The following TMEM108 variants were observed in gnomAD, a reference collection of about 807,000 sequenced individuals.
The protein encoded by TMEM108 is cancer/testis antigen 124.
Under a neutral mutation model 35.1 loss-of-function variants are expected in TMEM108, and 12 were observed. The observed-to-expected ratio is 0.34, with a 90% CI of 0.22 to 0.55. The LOEUF is 0.55. Ranked by LOEUF, TMEM108 falls within the 20% of genes least tolerant of loss-of-function variation. The pLI, the probability that TMEM108 is intolerant of heterozygous loss-of-function variation, is 0.89. For synonymous variants in TMEM108, 287 were observed against 308.6 expected (o/e 0.93, Z 0.73); for missense variants, 680 against 753.3 (o/e 0.90, Z 1.14).
At chr3:133,347,420 GTGT>G (rs1157205409) in intron 3 of TMEM108, among the ~76,000 whole-genome samples, 1 of 151,926 alleles carries the variant, frequency 6.6e-6, no homozygotes, top group Non-Finnish European at 1.5e-5. Flanking sequence ...AGTGTACATA[GTGT>G]TGTGTTTTTC....
chr3:133,089,361 ATATAT>A (rs1943920767), intron 2 of TMEM108, among the ~76,000 whole-genome samples: 1 of 152,210 alleles, frequency 6.6e-6, no homozygotes. Flanking sequence ...TATAATTTTA[ATATAT>A]TAGCATATTG....
chr3:133,294,100 A>T (rs1386531642), intron 3 of TMEM108, among the ~76,000 whole-genome samples: 1 of 152,194 alleles, frequency 6.6e-6, no homozygotes, highest in Non-Finnish European at 1.5e-5. Context: ...ATTTGAATGA[A>T]TTTAATTTAC....
chr3:133,067,087 T>C (rs1247275649), intron 2 of TMEM108, among the ~76,000 whole-genome samples: 1 of 152,230 alleles, frequency 6.6e-6, no homozygotes, highest in East Asian at 1.9e-4. Flanking sequence ...TGTCTCCTGG[T>C]ATGACTCCCT....
At chr3:133,101,249 T>A (rs1343668631) in intron 2 of TMEM108, among the ~76,000 whole-genome samples, 2 of 152,242 alleles carry the variant, frequency 1.3e-5, no homozygotes, top group Admixed American at 1.3e-4. Context: ...TATTTCATTG[T>A]CTTACCAGCT....
chr3:133,389,198 C>A, intron 4 of TMEM108: 1 of 985,640 alleles, frequency 1.0e-6, no homozygotes, highest in Non-Finnish European at 1.2e-6. Flanking sequence ...TGCTCACAAG[C>A]CACTCAATTC....
At chr3:133,317,620 A>G (rs1270996040) in intron 3 of TMEM108, among the ~76,000 whole-genome samples, 3 of 152,180 alleles carry the variant, frequency 2.0e-5, no homozygotes, top group African/African-American at 7.2e-5. Flanking sequence ...ATTGCTTGCA[A>G]CCTTTAATGT....
chr3:133,217,858 G>A (rs1360865450), intron 2 of TMEM108, among the ~76,000 whole-genome samples: 2 of 151,940 alleles, frequency 1.3e-5, no homozygotes, highest in Non-Finnish European at 2.9e-5. Flanking sequence ...GTAGTGTGAT[G>A]CCTCCATATT....
chr3:133,085,259 G>A (rs1299881018), intron 2 of TMEM108, among the ~76,000 whole-genome samples: 1 of 152,062 alleles, frequency 6.6e-6, no homozygotes, highest in Non-Finnish European at 1.5e-5. Flanking sequence ...TAAAATGAAT[G>A]TTTTCATTTT....
intron 2 of TMEM108, among the ~76,000 whole-genome samples, chr3:133,156,955 G>C (rs1477590476): frequency 6.6e-6 from 1 of 152,120 alleles, no homozygotes; most frequent in Non-Finnish European, 1.5e-5. Context: ...AAAGCCCCCA[G>C]CTACCTGATG....
chr3:133,043,239 A>G lies in TMEM108; in HGVS notation c.-165-2663A>G, dbSNP rs188097097. Among the ~76,000 whole-genome samples the G allele has an allele frequency of 1.7e-3, 263 of 152,308 alleles. 2 individuals carry two copies. The highest frequency in any genetic ancestry group is 6.2e-3 in the African/African-American group (258 of 41,578). ...TGTAATCTTATGTATTTGATCTTAT[A>G]CATTTCACACATAATTCTGAGAAGG... On this transcript the variant is annotated intron_variant, in intron 1 of 5. Transcript: ENST00000321871.
intron 2 of TMEM108, chr3:133,125,227 T>C (rs1226971862): frequency 6.6e-6 from 1 of 152,230 alleles, no homozygotes; most frequent in Non-Finnish European, 1.5e-5. Context: ...ATTAAATATC[T>C]GTTCATGAAT....
intron 3 of TMEM108, among the ~76,000 whole-genome samples, chr3:133,280,226 C>T (rs1457939246): frequency 1.3e-5 from 2 of 152,134 alleles, no homozygotes; most frequent in Non-Finnish European, 2.9e-5. Flanking sequence ...TCAGGAAAGT[C>T]AACATGTAGG....
At chr3:133,165,241 C>T (rs1392668527) in intron 2 of TMEM108, among the ~76,000 whole-genome samples, 2 of 152,114 alleles carry the variant, frequency 1.3e-5, no homozygotes, top group Non-Finnish European at 1.5e-5. Context: ...TTCAGACCAC[C>T]CTTTCCTGGT....
chr3:133,201,532 T>A (rs1157168137), intron 2 of TMEM108, among the ~76,000 whole-genome samples: 1 of 151,920 alleles, frequency 6.6e-6, no homozygotes, highest in Non-Finnish European at 1.5e-5. Flanking sequence ...CCCCTATTTA[T>A]GAGTGAGAAC....
At chr3:133,358,372 A>T (rs769293684) in intron 3 of TMEM108, among the ~76,000 whole-genome samples, 5 of 151,996 alleles carry the variant, frequency 3.3e-5, no homozygotes, top group Non-Finnish European at 5.9e-5. Flanking sequence ...GGGTTTCACC[A>T]TGTTGGCCAG....
intron 3 of TMEM108, among the ~76,000 whole-genome samples, chr3:133,300,356 G>A (rs1160887560): frequency 1.3e-5 from 2 of 152,166 alleles, no homozygotes; most frequent in African/African-American, 4.8e-5. Context: ...AATTGAGGAT[G>A]TGTTCAGATG....
rs1476973566 is a variant in TMEM108, at chr3:133,395,957, G to A, written c.1699G>A (p.Val567Met). The A allele has an allele frequency of 6.2e-7, 1 of 1,602,984 alleles. No individual in the cohort carries two copies. The highest frequency in any genetic ancestry group is 1.7e-5 in the Admixed American group (1 of 58,084). ...VNPFCQETLF[V>M]GNDQVSEI ...CCCCTTCTGTCAAGAAACACTGTTT[G>A]TGGGAAACGATCAAGTATCTGAGAT... The change falls in exon 6 of 6, where the codon GTG becomes ATG. Residue 567 changes from valine to methionine, a missense_variant. Coordinates refer to ENST00000321871, the MANE Select transcript of TMEM108 (RefSeq NM_023943.4).
At chr3:133,381,839 TA>T (rs2073021505) in intron 4 of TMEM108, among the ~76,000 whole-genome samples, 1 of 152,192 alleles carries the variant, frequency 6.6e-6, no homozygotes, top group South Asian at 2.1e-4. Context: ...GAGAGTTACG[TA>T]AACTCTAGCA....
intron 2 of TMEM108, among the ~76,000 whole-genome samples, chr3:133,104,625 G>C (rs145688179): frequency 0.01 from 1,595 of 152,294 alleles, 15 homozygotes; most frequent in Non-Finnish European, 0.015. Context: ...TGTGTGCACA[G>C]CTGGAAGTTT....
Sources: gnomAD v4.1 joint callset for allele counts (sites outside exome capture counted in the v4.1 genomes callset) on GRCh38, gnomAD v4.1.1 for gene constraint, MANE v1.5 for transcripts, NCBI Gene and HGNC (gene_info 2026-07-23, HGNC 2026-07-21) for gene names.